The following NCALD variants were observed in gnomAD, a reference collection of about 807,000 sequenced individuals.
NCALD encodes the protein neurocalcin delta, also known as neurocalcin-delta.
NCALD carries 10 observed loss-of-function variants against 18.6 expected under a neutral mutation model. The ratio of observed to expected loss-of-function variants is 0.54; its 90% CI spans 0.33 to 0.91. The LOEUF (loss-of-function observed/expected upper bound fraction) is 0.91. NCALD is among the 40% of genes least tolerant of loss of function. The pLI, the probability that NCALD is intolerant of heterozygous loss-of-function variation, is 0.03. For synonymous variants in NCALD, 88 were observed against 87.4 expected, an observed-to-expected ratio of 1.01 and a Z score of -0.04; for missense variants, 184 against 247.6, an observed-to-expected ratio of 0.74 and a Z score of 1.72.
chr8:101,889,024 T>TG (rs34512944), intron 3 of NCALD, among the ~76,000 whole-genome samples: 19,280 of 152,198 alleles, frequency 0.13, 3,063 homozygotes, highest in African/African-American at 0.37. Context: ...GGAACAATTT[T>TG]GTTCTGGAGA....
intron 1 of NCALD, among the ~76,000 whole-genome samples, chr8:101,732,475 C>T (rs1816878223): frequency 6.6e-6 from 1 of 151,694 alleles, no homozygotes; most frequent in Non-Finnish European, 1.5e-5. Context: ...TGTTTAACAT[C>T]TACAGCTTCC....
intron 1 of NCALD, among the ~76,000 whole-genome samples, chr8:102,051,233 CT>C (rs1211985312): frequency 6.6e-6 from 1 of 152,156 alleles, no homozygotes; most frequent in Non-Finnish European, 1.5e-5. Flanking sequence ...GGCTCCACCC[CT>C]AGGATCGGTG....
At chr8:101,864,243 GTTTCC>G (rs1201544135) in intron 4 of NCALD, among the ~76,000 whole-genome samples, 8 of 152,172 alleles carry the variant, frequency 5.3e-5, no homozygotes, top group African/African-American at 1.4e-4. Flanking sequence ...GTGAGTTCCA[GTTTCC>G]TTTCAAGAGG....
chr8:101,766,268 G>A (rs1811342418), intron 1 of NCALD, among the ~76,000 whole-genome samples: 2 of 152,072 alleles, frequency 1.3e-5, no homozygotes, highest in Non-Finnish European at 2.9e-5. Context: ...TTTTAAATTG[G>A]AAACAATTGG....
intron 2 of NCALD, among the ~76,000 whole-genome samples, chr8:101,964,270 A>G (rs375518375): frequency 9.8e-5 from 15 of 152,292 alleles, no homozygotes; most frequent in African/African-American, 3.1e-4. Context: ...CTTTGCATAT[A>G]TCTATTACAA....
intron 3 of NCALD, chr8:101,691,341 T>C (rs1390556728): frequency 8.1e-6 from 8 of 985,436 alleles, no homozygotes; most frequent in South Asian, 4.7e-5. Flanking sequence ...TAGCAGTAAG[T>C]TGTGCTCTGA....
At chr8:101,768,757 AAAG>A (rs1811461349) in intron 1 of NCALD, among the ~76,000 whole-genome samples, 1 of 152,020 alleles carries the variant, frequency 6.6e-6, no homozygotes, top group African/African-American at 2.4e-5. Flanking sequence ...AAGAAAGAAA[AAAG>A]AAACTTTAAA....
In NCALD at chr8:101,688,718, C is replaced by T; in HGVS notation, c.*591G>A. On this transcript the variant is annotated 3_prime_UTR_variant, in exon 4 of 4. Transcript: ENST00000220931. ...AAAATAGCTGAGCCATCTTTTTCCT[C>T]TCCTCTGTTAATTTATCTTGAAATG... 1 of 494,602 alleles carries T rather than the reference C, an allele frequency of 2.0e-6. No individual in the cohort carries two copies. Among genetic ancestry groups the T allele is most frequent in the Non-Finnish European group, 4.0e-6 (1 of 252,610 alleles). 30.6% of individuals were successfully genotyped at this position (494,602 alleles called of 1,614,324 possible). A position where few individuals can be genotyped will look rare whatever the true frequency, so the allele number is the denominator to read the frequency against.
At chr8:102,007,805 GT>G (rs1199778358) in intron 2 of NCALD, among the ~76,000 whole-genome samples, 5 of 152,182 alleles carry the variant, frequency 3.3e-5, no homozygotes, top group Non-Finnish European at 7.3e-5. Context: ...CAAACTTTGA[GT>G]TTCCAAGAAG....
intron 1 of NCALD, among the ~76,000 whole-genome samples, chr8:102,044,697 A>AG (rs1168670197): frequency 1.3e-5 from 2 of 152,212 alleles, no homozygotes; most frequent in Non-Finnish European, 2.9e-5. Context: ...CAAAGGCTTG[A>AG]GGGGGAGACT....
At chr8:101,937,545 C>T (rs1302422461) in intron 2 of NCALD, among the ~76,000 whole-genome samples, 2 of 152,128 alleles carry the variant, frequency 1.3e-5, no homozygotes, top group African/African-American at 4.8e-5. Flanking sequence ...TGCATAGTAT[C>T]CCATGGTGTA....
chr8:102,054,660 C>A (rs865912913), intron 1 of NCALD, among the ~76,000 whole-genome samples: 2 of 142,294 alleles, frequency 1.4e-5, no homozygotes, highest in African/African-American at 2.7e-5. Flanking sequence ...CTTTCTCTTC[C>A]GATAGATAGA....
chr8:101,943,608 G>A (rs1819041741), intron 2 of NCALD, among the ~76,000 whole-genome samples: 1 of 152,194 alleles, frequency 6.6e-6, no homozygotes, highest in African/African-American at 2.4e-5. Flanking sequence ...TTAAGAAGAC[G>A]CACCAGTGCT....
intron 3 of NCALD, among the ~76,000 whole-genome samples, chr8:101,891,281 C>G (rs898465707): frequency 6.6e-6 from 1 of 152,158 alleles, no homozygotes; most frequent in East Asian, 1.9e-4. Flanking sequence ...CCTTGTGCCC[C>G]CATTCCTCAT....
At chr8:102,024,570 C>T (rs1822389065) in intron 1 of NCALD, among the ~76,000 whole-genome samples, 1 of 152,182 alleles carries the variant, frequency 6.6e-6, no homozygotes, top group Non-Finnish European at 1.5e-5. Flanking sequence ...CCACTCATCA[C>T]ATAGCCAGGA....
At chr8:101,848,702 A>G (rs780327658) in intron 4 of NCALD, among the ~76,000 whole-genome samples, 1 of 152,140 alleles carries the variant, frequency 6.6e-6, no homozygotes, top group Non-Finnish European at 1.5e-5. Flanking sequence ...AAGATTTACA[A>G]TATTAACTTC....
At chr8:101,987,871 A>G (rs1237589200) in intron 2 of NCALD, among the ~76,000 whole-genome samples, 6 of 152,100 alleles carry the variant, frequency 3.9e-5, no homozygotes, top group Non-Finnish European at 5.9e-5. Flanking sequence ...GAAGCAACTC[A>G]TGGCCGGGCG....
At chr8:102,015,080 A>G (rs1339518972) in intron 2 of NCALD, among the ~76,000 whole-genome samples, 1 of 152,174 alleles carries the variant, frequency 6.6e-6, no homozygotes, top group Non-Finnish European at 1.5e-5. Context: ...GTGGAATTAG[A>G]ATGATGTACT....
chr8:101,759,183 G>A (rs1811011813), intron 1 of NCALD, among the ~76,000 whole-genome samples: 1 of 152,170 alleles, frequency 6.6e-6, no homozygotes, highest in African/African-American at 2.4e-5. Context: ...TTCATAAAAT[G>A]GAACAGTAGT....
Sources: gnomAD v4.1 joint callset for allele counts (sites outside exome capture counted in the v4.1 genomes callset) on GRCh38, gnomAD v4.1.1 for gene constraint, MANE v1.5 for transcripts, NCBI Gene and HGNC (gene_info 2026-07-23, HGNC 2026-07-21) for gene names.